The following SDC4 variants were observed in gnomAD, a reference collection of about 807,000 sequenced individuals.
The protein encoded by SDC4 is syndecan-4.
A neutral mutation model predicts 20.5 loss-of-function variants in SDC4; 17 were observed. The observed-to-expected ratio is 0.83, with a 90% confidence interval of 0.57 to 1.25. The LOEUF (loss-of-function observed/expected upper bound fraction) is 1.25. Ranked by LOEUF, SDC4 falls within the 50% of genes most tolerant of loss-of-function variation. The probability of loss-of-function intolerance (pLI) is 0.00; values close to 1 mark genes in which losing one functional copy is unlikely to be tolerated. For missense variants in SDC4, 241 were observed against 252.3 expected (o/e 0.96, Z 0.30); for synonymous variants, 107 against 105.3 (o/e 1.02, Z -0.10).
In SDC4 at chr20:45,340,885, C is replaced by CCACTTCTT. The variant is rs564256436; in HGVS notation, c.61-4973_61-4966dup. On this transcript the variant is annotated intron_variant, in intron 1 of 4. Transcript: ENST00000372733. ...TCGTAACTGTTCTTCCCCACCCCAC[C>CCACTTCTT]CACTTCTTAAGGGCCAGACATTCCC... 6.2e-3 allele frequency among the ~76,000 whole-genome samples: 950 copies of CCACTTCTT among 152,288 alleles called. 7 individuals carry two copies. The highest frequency in any genetic ancestry group is 0.022 in the African/African-American group (904 of 41,538).
intron 2 of SDC4, among the ~76,000 whole-genome samples, chr20:45,333,953 A>G (rs1174098921): frequency 1.3e-5 from 2 of 150,098 alleles, no homozygotes; most frequent in African/African-American, 2.4e-5. Flanking sequence ...GTTAAAAAAA[A>G]AAGAAGAAGA....
intron 1 of SDC4, among the ~76,000 whole-genome samples, chr20:45,339,658 T>C (rs1375138011): frequency 6.6e-6 from 1 of 152,188 alleles, no homozygotes; most frequent in Non-Finnish European, 1.5e-5. Context: ...GAGGATCACT[T>C]GAGCCCAGGA....
At chr20:45,337,057 G>C (rs1012879152) in intron 1 of SDC4, among the ~76,000 whole-genome samples, 2 of 152,018 alleles carry the variant, frequency 1.3e-5, no homozygotes, top group African/African-American at 4.8e-5. Context: ...CAAACCGCTT[G>C]CCAAAAGAAA....
chr20:45,338,738 C>T (rs1987911747), intron 1 of SDC4, among the ~76,000 whole-genome samples: 3 of 152,198 alleles, frequency 2.0e-5, no homozygotes, highest in Non-Finnish European at 4.4e-5. Flanking sequence ...CAGTTCAGCC[C>T]TCTTTGTGGG....
chr20:45,336,655 TG>T (rs1002523524), intron 1 of SDC4, among the ~76,000 whole-genome samples: 34 of 152,038 alleles, frequency 2.2e-4, no homozygotes, highest in African/African-American at 8.2e-4. Flanking sequence ...CACAGGGCCC[TG>T]GGATGCTACA....
In SDC4 at chr20:45,325,632, C is replaced by CG. The variant is rs558579538; in HGVS notation, c.*1631_*1632insC. ...CTCATCAGCCCTCCCCCATTCCCCC[C>CG]CCCCTACCCAGGGAGACAAGGGTCG... On this transcript the variant is annotated 3_prime_UTR_variant, in exon 5 of 5. Transcript: ENST00000372733. 66 of 88,732 alleles carry CG rather than the reference C, an allele frequency of 7.4e-4. No individual in the cohort carries two copies. Among genetic ancestry groups the CG allele is most frequent in the South Asian group, 4.3e-3 (9 of 2,102 alleles). 5.5% of individuals were successfully genotyped at this position (88,732 alleles called of 1,614,324 possible).
At chr20:45,345,562 C>T (rs1396167220) in intron 1 of SDC4, 1 of 152,258 alleles carries the variant, frequency 6.6e-6, no homozygotes, top group Non-Finnish European at 1.5e-5. Context: ...CTTCCGCCCC[C>T]ACCCCTACTC....
chr20:45,345,509 A>G (rs1005390850), intron 1 of SDC4: 6 of 152,184 alleles, frequency 3.9e-5, no homozygotes, highest in Non-Finnish European at 7.3e-5. Context: ...AAGAAGTCCC[A>G]AGAGCTCTCA....
rs1404237485 is a variant in SDC4, at chr20:45,348,335, A to C, written c.50T>G (p.Val17Gly). 6.3e-7 allele frequency: 1 copy of C among 1,586,706 alleles called. No individual in the cohort carries two copies. Among genetic ancestry groups the C allele is most frequent in the Non-Finnish European group, 8.6e-7 (1 of 1,168,220 alleles). Reference protein sequence around the residue: ...FALLLFFVGGVAESIRETEVI... With the variant: ...FALLLFFVGGGAESIRETEVI... ...CCTCCAAGCACCCACCGACTCGGCG[A>C]CTCCGCCTACGAAGAACAGCAGCAG... Residue 17 changes from valine to glycine, a missense_variant, in exon 1 of 5, where the codon GTC becomes GGC. Physicochemically the swap from Val to Gly is moderately radical, Grantham distance 109. Transcript: ENST00000372733.
intron 1 of SDC4, among the ~76,000 whole-genome samples, chr20:45,342,320 G>T (rs758541438): frequency 1.8e-4 from 27 of 152,134 alleles, no homozygotes; most frequent in Non-Finnish European, 3.1e-4. Flanking sequence ...AGACGGCTCC[G>T]GCAGGGCTTC....
intron 2 of SDC4, among the ~76,000 whole-genome samples, chr20:45,333,953 AAAGAAG>A (rs147893643): frequency 6.7e-6 from 1 of 150,098 alleles, no homozygotes; most frequent in Non-Finnish European, 1.5e-5. Flanking sequence ...GTTAAAAAAA[AAAGAAG>A]AAGAAATGTA....
At chr20:45,333,596 T>G (rs1035694409) in intron 2 of SDC4, among the ~76,000 whole-genome samples, 1 of 152,152 alleles carries the variant, frequency 6.6e-6, no homozygotes, top group Non-Finnish European at 1.5e-5. Context: ...TTGAACCCGG[T>G]TGGCAGAGGT....
chr20:45,333,188 A>T, intron 2 of SDC4, 119 bp from the exon 3 acceptor site: 1 of 918,434 alleles, frequency 1.1e-6, no homozygotes, highest in South Asian at 1.4e-5. Flanking sequence ...ATGTCCAGCA[A>T]GCGAGCTTCC....
At position 45,327,232 on chromosome 20, in the gene SDC4, C is replaced by T. The variant is rs1224604387; in HGVS notation, c.*32G>A. The T allele has an allele frequency of 5.0e-6, 8 of 1,612,232 alleles. No individual in the cohort carries two copies. Among genetic ancestry groups the T allele is most frequent in the Non-Finnish European group, 6.8e-6 (8 of 1,178,732 alleles). On this transcript the variant is annotated 3_prime_UTR_variant, in exon 5 of 5. Transcript: ENST00000372733. ...CAAAATCCCCTGGCTTCCCTCCCCG[C>T]TAAAGTCCAAGCCAGTGCCCACAAG... is the stretch of plus-strand genomic sequence containing the variant.
chr20:45,348,203 G>T, intron 1 of SDC4, 122 bp downstream of exon 1: 1 of 949,730 alleles, frequency 1.1e-6, no homozygotes, highest in Non-Finnish European at 1.6e-6. Context: ...CCGGGCCTCG[G>T]TGTCCGGTTG....
chr20:45,340,176 C>T (rs1348100276), intron 1 of SDC4, among the ~76,000 whole-genome samples: 1 of 152,164 alleles, frequency 6.6e-6, no homozygotes, highest in African/African-American at 2.4e-5. Flanking sequence ...AGGTCCTATC[C>T]CAACCCTATC....
Position 45,327,143 on chromosome 20 carries a change from C to A in SDC4, c.*121G>T. The A allele has an allele frequency of 1.0e-6, 1 of 1,000,832 alleles. No homozygotes were observed. The highest frequency in any genetic ancestry group is 1.5e-6 in the Non-Finnish European group (1 of 665,656). The allele number at this position is 1,000,832 out of a possible 1,614,324, so 62.0% of individuals were successfully genotyped here. On this transcript the variant is annotated 3_prime_UTR_variant, in exon 5 of 5. Transcript: ENST00000372733. Reference sequence around the variant, plus strand: ...CTCTTCTGAACACTTCAAAGGTAATCAGAGCTGGAGATACTGACAAGTCAG... The same window carrying A: ...CTCTTCTGAACACTTCAAAGGTAATAAGAGCTGGAGATACTGACAAGTCAG...
chr20:45,347,690 A>G (rs1488075732), intron 1 of SDC4, among the ~76,000 whole-genome samples: 2 of 152,074 alleles, frequency 1.3e-5, no homozygotes, highest in Non-Finnish European at 1.5e-5. Flanking sequence ...AGAGTCCCCA[A>G]CTTTCTAGAA....
Position 45,327,199 on chromosome 20 carries a change from C to CCT in SDC4, c.*64_*65insAG. On this transcript the variant is annotated 3_prime_UTR_variant, in exon 5 of 5. Transcript: ENST00000372733. ...GGTTGACCTCACCCTACCCTAATGT[C>CCT]CACCCTTCAAAATCCCCTGGCTTCC... 6.3e-7 allele frequency: 1 copy of CCT among 1,585,540 alleles called. No individual in the cohort carries two copies. Among genetic ancestry groups the CCT allele is most frequent in the South Asian group, 1.1e-5 (1 of 89,652 alleles).
Sources: allele counts gnomAD v4.1 joint callset (sites outside exome capture counted in the v4.1 genomes callset), GRCh38; gene constraint gnomAD v4.1.1; transcripts MANE v1.5; gene names NCBI Gene and HGNC (gene_info 2026-07-23, HGNC 2026-07-21).